TMEM132E: variants seen among roughly 807,000 people sequenced by gnomAD.
TMEM132E encodes the protein transmembrane protein 132E.
A neutral mutation model predicts 78.5 loss-of-function variants in TMEM132E; 49 were observed. That is an observed-to-expected ratio of 0.62 (90% CI 0.50 to 0.79). The LOEUF is 0.79. TMEM132E is among the 30% of genes least tolerant of loss of function. The pLI, the probability that TMEM132E is intolerant of heterozygous loss-of-function variation, is 0.00. For synonymous variants in TMEM132E, 715 were observed against 670.6 expected (o/e 1.07, Z -1.02); for missense variants, 1,403 against 1,470.9 (o/e 0.95, Z 0.75).
intron 5 of TMEM132E, among the ~76,000 whole-genome samples, chr17:34,630,738 C>G (rs1907324242): frequency 6.6e-6 from 1 of 152,164 alleles, no homozygotes; most frequent in Non-Finnish European, 1.5e-5. Flanking sequence ...CACACACGCT[C>G]CAGCTTCTCC....
At chr17:34,613,197 C>CACACA (rs1555563333) in intron 1 of TMEM132E, among the ~76,000 whole-genome samples, 3 of 131,150 alleles carry the variant, frequency 2.3e-5, no homozygotes, top group Non-Finnish European at 3.2e-5. Flanking sequence ...ACACACACAC[C>CACACA]CACACACACA....
intron 5 of TMEM132E, among the ~76,000 whole-genome samples, chr17:34,632,291 T>C (rs1284852339): frequency 6.6e-6 from 1 of 152,104 alleles, no homozygotes; most frequent in Non-Finnish European, 1.5e-5. Flanking sequence ...CAAGTGCCCA[T>C]GTCCTTTTTC....
At chr17:34,585,105 C>A (rs1905622515) in intron 1 of TMEM132E, among the ~76,000 whole-genome samples, 1 of 152,240 alleles carries the variant, frequency 6.6e-6, no homozygotes, top group Admixed American at 6.5e-5. Context: ...CCACACCCAT[C>A]TTTCTTCTGG....
intron 1 of TMEM132E, among the ~76,000 whole-genome samples, chr17:34,608,040 C>T (rs1342787594): frequency 6.6e-6 from 1 of 152,194 alleles, no homozygotes; most frequent in East Asian, 1.9e-4. Context: ...TTGTCCCCTC[C>T]TTGGAGGTCA....
intron 7 of TMEM132E, 82 bp from the exon 8 acceptor site, chr17:34,635,925 G>T: frequency 1.6e-6 from 2 of 1,288,222 alleles, no homozygotes; most frequent in Non-Finnish European, 2.0e-6. Flanking sequence ...CAGCAGTGCT[G>T]GGATTTCTCC....
At chr17:34,590,009 A>G (rs754684687) in intron 1 of TMEM132E, among the ~76,000 whole-genome samples, 1 of 152,212 alleles carries the variant, frequency 6.6e-6, no homozygotes, top group Non-Finnish European at 1.5e-5. Flanking sequence ...AGCCCCATGC[A>G]TGAGAGGTCT....
At chr17:34,631,437 A>G (rs1313120892) in intron 5 of TMEM132E, among the ~76,000 whole-genome samples, 1 of 152,168 alleles carries the variant, frequency 6.6e-6, no homozygotes, top group Non-Finnish European at 1.5e-5. Context: ...AGACTCCCCC[A>G]TCCCAGCTCC....
intron 7 of TMEM132E, chr17:34,635,696 C>T (rs1407627202): frequency 3.5e-6 from 1 of 289,798 alleles, no homozygotes; most frequent in Non-Finnish European, 6.4e-6. Context: ...TCCCTTTTGT[C>T]TCCCTGACAT....
In TMEM132E at chr17:34,637,507, G is replaced by A. The variant is rs780287992; in HGVS notation, c.2500G>A (p.Gly834Arg). ...GGGCCCCAGCCAACCAGGGCCCGGC[G>A]GGGGCGAGGACGAGGCCCGGGGAGC... ...YPGPSQPGPG[G>R]GEDEARGAGP... The change falls in exon 9 of 9, where the codon GGG becomes AGG. Residue 834 changes from glycine (G) to arginine (R), a missense_variant. Physicochemically the swap from Gly to Arg is moderately radical, Grantham distance 125. This residue lies in a region of TMEM132E where 888 missense variants were observed against 952.8 expected (regional missense o/e 0.93). Transcript: ENST00000631683. 9.3e-6 allele frequency: 15 copies of A among 1,606,432 alleles called. No homozygotes were observed. In the South Asian group the frequency reaches 1.5e-4, roughly 17 times the overall value.
chr17:34,580,818 G>A lies in TMEM132E; in HGVS notation c.-259G>A. 1 of 436,878 alleles carries A rather than the reference G, an allele frequency of 2.3e-6. No individual in the cohort carries two copies. The highest frequency in any genetic ancestry group is 4.0e-5 in the South Asian group (1 of 24,780). 27.1% of individuals were successfully genotyped at this position (436,878 alleles called of 1,614,324 possible). On this transcript the variant is annotated 5_prime_UTR_variant, in exon 1 of 9. Coordinates refer to ENST00000631683, the MANE Select transcript of TMEM132E (RefSeq NM_001304438.2). Reference sequence around the variant, plus strand: ...GCTCCCCCCGCGCCTCGCAGATCCTGCAGGGGGCACCAGCTGGGGGAGGTG... The same window carrying A: ...GCTCCCCCCGCGCCTCGCAGATCCTACAGGGGGCACCAGCTGGGGGAGGTG...
rs922560252 is a variant in TMEM132E at position 34,626,763 on chromosome 17, C to A, written c.704C>A (p.Thr235Lys). The change falls in exon 2 of 9, where the codon ACG becomes AAG. Residue 235 changes from threonine to lysine, a missense_variant. Coordinates refer to ENST00000631683, the MANE Select transcript of TMEM132E (RefSeq NM_001304438.2). ...GESQQAELYY[T>K]LHAPDASGGC... ...AGCCAGCAGGCCGAGCTCTACTACACGCTCCACGCCCCTGATGCGTCGGGG... is the reference window on the plus strand; with the variant it reads ...AGCCAGCAGGCCGAGCTCTACTACAAGCTCCACGCCCCTGATGCGTCGGGG... 2 of 1,441,258 alleles carry A rather than the reference C, an allele frequency of 1.4e-6. No homozygotes were observed. Among genetic ancestry groups the A allele is most frequent in the Non-Finnish European group, 1.8e-6 (2 of 1,082,850 alleles). The allele number at this position is 1,441,258 out of a possible 1,614,324, so 89.3% of individuals were successfully genotyped here.
At chr17:34,611,890 G>A (rs115324341) in intron 1 of TMEM132E, among the ~76,000 whole-genome samples, 108 of 152,216 alleles carry the variant, frequency 7.1e-4, no homozygotes, top group African/African-American at 2.6e-3. Flanking sequence ...TCTTTTCTGG[G>A]CCTTGTCACC....
intron 1 of TMEM132E, among the ~76,000 whole-genome samples, chr17:34,601,585 A>G (rs566514655): frequency 6.6e-6 from 1 of 152,320 alleles, no homozygotes; most frequent in Non-Finnish European, 1.5e-5. Context: ...GTCCCTGACC[A>G]CACAGGGTGA....
At chr17:34,598,853 G>A (rs1042356898) in intron 1 of TMEM132E, among the ~76,000 whole-genome samples, 1 of 152,178 alleles carries the variant, frequency 6.6e-6, no homozygotes, top group African/African-American at 2.4e-5. Flanking sequence ...CTGGGGTGGG[G>A]AGGTGTTGAA....
chr17:34,594,549 G>A (rs1905989946), intron 1 of TMEM132E, among the ~76,000 whole-genome samples: 1 of 152,172 alleles, frequency 6.6e-6, no homozygotes, highest in South Asian at 2.1e-4. Flanking sequence ...AGCAGCGCCT[G>A]GCTTGTAGGA....
At chr17:34,612,311 G>A (rs1158596944) in intron 1 of TMEM132E, among the ~76,000 whole-genome samples, 13 of 152,204 alleles carry the variant, frequency 8.5e-5, no homozygotes. Flanking sequence ...GTCAATTCGG[G>A]GCTGAGGAAA....
chr17:34,612,118 C>A (rs1347283495), intron 1 of TMEM132E, among the ~76,000 whole-genome samples: 1 of 152,152 alleles, frequency 6.6e-6, no homozygotes, highest in East Asian at 1.9e-4. Flanking sequence ...CTACTCTCAA[C>A]GCACACACAC....
chr17:34,605,627 T>C (rs556995819), intron 1 of TMEM132E, among the ~76,000 whole-genome samples: 16 of 152,280 alleles, frequency 1.1e-4, no homozygotes, highest in African/African-American at 3.9e-4. Flanking sequence ...ATTCCAAGCA[T>C]CTAGGAAAGA....
chr17:34,616,488 A>G (rs1197248927), intron 1 of TMEM132E, among the ~76,000 whole-genome samples: 1 of 152,186 alleles, frequency 6.6e-6, no homozygotes, highest in African/African-American at 2.4e-5. Flanking sequence ...CCCCGGCTAC[A>G]TGTCCTTGCT....
Sources: gnomAD v4.1 joint callset for allele counts (sites outside exome capture counted in the v4.1 genomes callset) on GRCh38, gnomAD v4.1.1 for gene constraint, gnomAD v4.1.1 regional missense constraint, MANE v1.5 for transcripts, NCBI Gene and HGNC (gene_info 2026-07-23, HGNC 2026-07-21) for gene names.